AKAP6: variants seen among roughly 807,000 people sequenced by gnomAD.
AKAP6 encodes the protein A-kinase anchor protein 6.
A neutral mutation model predicts 188.5 loss-of-function variants in AKAP6; 58 were observed. That is an observed-to-expected ratio of 0.31 (90% CI 0.25 to 0.38). AKAP6 has a LOEUF of 0.38. Ranked by LOEUF, AKAP6 falls within the 10% of genes least tolerant of loss-of-function variation. AKAP6 has a pLI of 1.00. For synonymous variants in AKAP6, 989 were observed against 998.6 expected (o/e 0.99, Z 0.18); for missense variants, 2,710 against 2,740.0 (o/e 0.99, Z 0.24).
chr14:32,542,977 C>CA (rs1883029757), intron 3 of AKAP6, among the ~76,000 whole-genome samples: 1 of 152,166 alleles, frequency 6.6e-6, no homozygotes, highest in Non-Finnish European at 1.5e-5. Context: ...GATACATGCA[C>CA]ACAATGCAAT....
chr14:32,434,063 G>A, intron 2 of AKAP6: 3 of 438,352 alleles, frequency 6.8e-6, no homozygotes, highest in South Asian at 8.7e-5. Context: ...GAAAGGGAGG[G>A]GTATTTTTGT....
At chr14:32,557,357 A>G (rs1223996387) in intron 4 of AKAP6, among the ~76,000 whole-genome samples, 1 of 152,176 alleles carries the variant, frequency 6.6e-6, no homozygotes, top group East Asian at 1.9e-4. Context: ...TTGGCCTCCT[A>G]AAGTGCTGGG....
intron 8 of AKAP6, among the ~76,000 whole-genome samples, chr14:32,689,327 T>G (rs1890067994): frequency 6.6e-6 from 1 of 152,112 alleles, no homozygotes; most frequent in Admixed American, 6.6e-5. Context: ...TCTTGGTGCT[T>G]TATGCTTTTT....
At chr14:32,368,869 T>C (rs1285205411) in intron 1 of AKAP6, among the ~76,000 whole-genome samples, 1 of 146,826 alleles carries the variant, frequency 6.8e-6, no homozygotes, top group East Asian at 1.9e-4. Context: ...TTAGTGGATA[T>C]TAAGAAGAAG....
At chr14:32,580,213 A>G (rs1401768530) in intron 5 of AKAP6, among the ~76,000 whole-genome samples, 1 of 152,080 alleles carries the variant, frequency 6.6e-6, no homozygotes, top group African/African-American at 2.4e-5. Context: ...TGTAAGAAAC[A>G]CTGTGAAATT....
At chr14:32,615,377 G>T (rs1159346162) in intron 7 of AKAP6, among the ~76,000 whole-genome samples, 3 of 149,612 alleles carry the variant, frequency 2.0e-5, no homozygotes, top group Admixed American at 6.7e-5. Context: ...AACTCTTGAG[G>T]TGTTTGACCT....
At chr14:32,806,916 T>C (rs1001508403) in intron 12 of AKAP6, among the ~76,000 whole-genome samples, 1 of 151,842 alleles carries the variant, frequency 6.6e-6, no homozygotes, top group Non-Finnish European at 1.5e-5. Context: ...TGGCTGGGCA[T>C]GGTGGCTCAC....
chr14:32,499,328 CAAAAAAAAAAA>C (rs71432061), intron 2 of AKAP6, among the ~76,000 whole-genome samples: 1 of 111,094 alleles, frequency 9.0e-6, no homozygotes, highest in Non-Finnish European at 1.8e-5. Flanking sequence ...AGTGTAACAG[CAAAAAAAAAAA>C]AAAAAAAAGA....
At chr14:32,371,008 G>T (rs1346592105) in intron 1 of AKAP6, among the ~76,000 whole-genome samples, 1 of 152,188 alleles carries the variant, frequency 6.6e-6, no homozygotes, top group Non-Finnish European at 1.5e-5. Context: ...TCTTTTGAGG[G>T]ATGTTATTTG....
chr14:32,457,335 G>T (rs912685452), intron 2 of AKAP6, among the ~76,000 whole-genome samples: 2 of 152,116 alleles, frequency 1.3e-5, no homozygotes, highest in African/African-American at 4.8e-5. Context: ...ATCAGGTAAG[G>T]TCTTGAGGAT....
chr14:32,769,037 A>ATTTTGTTTTTTT (rs2032807048), intron 11 of AKAP6, among the ~76,000 whole-genome samples: 1 of 56,926 alleles, frequency 1.8e-5, no homozygotes, highest in Non-Finnish European at 2.9e-5. Context: ...TGCTCTTTTG[A>ATTTTGTTTTTTT]TTTTTTTTTT....
chr14:32,671,467 A>C (rs898420811), intron 7 of AKAP6, among the ~76,000 whole-genome samples: 41 of 151,944 alleles, frequency 2.7e-4, no homozygotes, highest in African/African-American at 9.2e-4. Flanking sequence ...GATTGGCGGC[A>C]ATGGATTATT....
At chr14:32,677,930 C>T (rs1173544565) in intron 7 of AKAP6, among the ~76,000 whole-genome samples, 5 of 152,064 alleles carry the variant, frequency 3.3e-5, no homozygotes, top group African/African-American at 9.7e-5. Context: ...AATATGTGTC[C>T]ATGCAAATGT....
At chr14:32,652,883 T>A (rs374112860) in intron 7 of AKAP6, among the ~76,000 whole-genome samples, 4 of 151,994 alleles carry the variant, frequency 2.6e-5, no homozygotes, top group East Asian at 1.9e-4. Context: ...GGAGACCCCA[T>A]CTCTACAAAA....
intron 8 of AKAP6, among the ~76,000 whole-genome samples, chr14:32,693,964 T>A (rs548523776): frequency 6.6e-6 from 1 of 152,330 alleles, no homozygotes; most frequent in South Asian, 2.1e-4. Context: ...TATTTTTTAT[T>A]TGTCTCTTTT....
chr14:32,700,634 T>G (rs1254580470), intron 9 of AKAP6, among the ~76,000 whole-genome samples: 1 of 152,232 alleles, frequency 6.6e-6, no homozygotes, highest in African/African-American at 2.4e-5. Context: ...TGTGTTACGG[T>G]TGCCTACAGT....
At chr14:32,623,982 G>A (rs1886913791) in intron 7 of AKAP6, among the ~76,000 whole-genome samples, 1 of 152,144 alleles carries the variant, frequency 6.6e-6, no homozygotes, top group Non-Finnish European at 1.5e-5. Context: ...TTTGGGAGAA[G>A]AGAGTAGAGT....
At chr14:32,377,491 G>T (rs1888195274) in intron 1 of AKAP6, among the ~76,000 whole-genome samples, 1 of 152,136 alleles carries the variant, frequency 6.6e-6, no homozygotes, top group African/African-American at 2.4e-5. Flanking sequence ...ATGTGGAAAT[G>T]TGCATATATG....
At chr14:32,641,484 A>AAAAG (rs1887754559) in intron 7 of AKAP6, among the ~76,000 whole-genome samples, 2 of 151,038 alleles carry the variant, frequency 1.3e-5, no homozygotes, top group South Asian at 2.1e-4. Flanking sequence ...AAAAAAAAAA[A>AAAAG]AAAAGAAAAG....
Sources: allele counts gnomAD v4.1 joint callset (sites outside exome capture counted in the v4.1 genomes callset), GRCh38; gene constraint gnomAD v4.1.1; transcripts MANE v1.5; gene names NCBI Gene and HGNC (gene_info 2026-07-23, HGNC 2026-07-21).